The following GFI1B variants were observed in gnomAD, a reference collection of about 807,000 sequenced individuals.
The protein encoded by GFI1B is zinc finger protein Gfi-1b.
A neutral mutation model predicts 35.3 loss-of-function variants in GFI1B; 20 were observed. That is an observed-to-expected ratio of 0.57 (90% CI 0.40 to 0.82). GFI1B has a LOEUF of 0.82. Among genes scored for constraint, GFI1B ranks in the 40% least tolerant of loss-of-function variants. The pLI is 0.00. For missense variants in GFI1B, 430 were observed against 446.3 expected, an observed-to-expected ratio of 0.96 and a Z score of 0.33; for synonymous variants, 178 against 177.6, an observed-to-expected ratio of 1.00 and a Z score of -0.02.
intron 6 of GFI1B, 71 bp from the exon 7 acceptor site, chr9:132,990,801 G>T (rs796208114): frequency 5.6e-6 from 8 of 1,421,258 alleles, no homozygotes; most frequent in East Asian, 2.3e-5. Flanking sequence ...CGGGGGCAGG[G>T]CAGGGGAGCA....
chr9:132,981,915 G>C (rs1239007351), intron 1 of GFI1B, among the ~76,000 whole-genome samples: 1 of 152,156 alleles, frequency 6.6e-6, no homozygotes, highest in Admixed American at 6.5e-5. Flanking sequence ...ACCACACCCA[G>C]CTAAGTTTTG....
At chr9:132,990,626 G>C (rs1357534171) in intron 6 of GFI1B, among the ~76,000 whole-genome samples, 1 of 152,246 alleles carries the variant, frequency 6.6e-6, no homozygotes, top group African/African-American at 2.4e-5. Flanking sequence ...GAGATGTATT[G>C]ATAAACAAGA....
At chr9:132,981,839 G>A (rs1395207020) in intron 1 of GFI1B, among the ~76,000 whole-genome samples, 2 of 151,826 alleles carry the variant, frequency 1.3e-5, no homozygotes, top group Non-Finnish European at 2.9e-5. Context: ...CGCAACCTCC[G>A]CCTTCTGGGT....
At chr9:132,977,934 G>A (rs1057244277), upstream of GFI1B, among the ~76,000 whole-genome samples, 8 of 152,290 alleles carry the variant, frequency 5.3e-5, no homozygotes, top group East Asian at 1.5e-3. Context: ...CCTCCAGGGT[G>A]CCTCTACCCG....
At chr9:132,990,518 T>C (rs1242623483) in intron 6 of GFI1B, among the ~76,000 whole-genome samples, 1 of 152,264 alleles carries the variant, frequency 6.6e-6, no homozygotes, top group African/African-American at 2.4e-5. Context: ...CACTCATTCA[T>C]TTGCTTATTC....
chr9:132,981,043 C>G (rs1335022626), intron 1 of GFI1B, among the ~76,000 whole-genome samples: 1 of 152,106 alleles, frequency 6.6e-6, no homozygotes, highest in Non-Finnish European at 1.5e-5. Context: ...TTACAGGCAC[C>G]CACCACCATG....
chr9:132,988,257 C>A lies in GFI1B; in HGVS notation c.299C>A (p.Pro100Gln), dbSNP rs142654869. 2 of 1,614,054 alleles carry A rather than the reference C, an allele frequency of 1.2e-6. No homozygotes were observed. Among genetic ancestry groups the A allele is most frequent in the Non-Finnish European group, 8.5e-7 (1 of 1,179,866 alleles). ...GACTCTCCACTGTCCGACTCACCCC[C>A]ATTCTACAAGCCTAGCTTCTCCTGG... ...DGDSPLSDSP[P>Q]FYKPSFSWDT... The change falls in exon 4 of 7, where the codon CCA (proline) becomes CAA (glutamine). Residue 100 changes from proline (P) to glutamine (Q), a missense_variant. Physicochemically the swap from Pro to Gln is moderately conservative, Grantham distance 76. Transcript: ENST00000372122.
Position 132,991,025 on chromosome 9 carries a change from G to T in GFI1B, c.968G>T (p.Arg323Leu), listed in dbSNP as rs373040348. The change falls in exon 7 of 7, where the codon CGC (arginine) becomes CTC (leucine). Residue 323 changes from arginine to leucine, a missense_variant. Coordinates refer to ENST00000372122, the MANE Select transcript of GFI1B (RefSeq NM_001377304.1). The stretch of plus-strand genomic sequence containing the variant: ...CGCAAGGTGGACCTGCGGCGGCACC[G>T]CGAGAGCCAGCACAATCTCAAGTGA... The part of the protein sequence containing the change: ...FQRKVDLRRH[R>L]ESQHNLK The T allele has an allele frequency of 1.4e-5, 22 of 1,613,846 alleles. No homozygotes were observed. In the African/African-American group the frequency reaches 2.7e-4, roughly 20 times the overall value.
At chr9:132,977,762 T>G (rs1243723023), upstream of GFI1B, among the ~76,000 whole-genome samples, 1 of 151,680 alleles carries the variant, frequency 6.6e-6, no homozygotes, top group African/African-American at 2.4e-5. Context: ...CCGCCCTCAC[T>G]CCCCCCAGCA....
At position 132,981,783 on chromosome 9, in the gene GFI1B, C is replaced by T. The variant is rs925841312; in HGVS notation, c.-21+2942C>T. The stretch of plus-strand genomic sequence containing the variant: ...ATCTTTTTTTTTTTTGACAGAGTCT[C>T]GCTGTGTCACCCAGGCTGGAGTGCA... On this transcript the variant is annotated intron_variant, in intron 1 of 6. Transcript: ENST00000372122. 2.2e-4 allele frequency among the ~76,000 whole-genome samples: 34 copies of T among 151,804 alleles called. No individual in the cohort carries two copies. The East Asian group carries it at 2.9e-3, about 13-fold the overall frequency.
intron 1 of GFI1B, among the ~76,000 whole-genome samples, chr9:132,955,683 T>C (rs963915474): frequency 4.6e-5 from 7 of 152,176 alleles, no homozygotes; most frequent in African/African-American, 1.7e-4. Context: ...TTTGTTCCTT[T>C]TTTTCTGAAG....
At chr9:132,963,981 C>G (rs1322995379) in intron 1 of GFI1B, among the ~76,000 whole-genome samples, 3 of 152,142 alleles carry the variant, frequency 2.0e-5, no homozygotes, top group African/African-American at 7.2e-5. Context: ...TGGCTCACAC[C>G]TGTAATCCCA....
chr9:132,974,734 A>G (rs554404693), upstream of GFI1B, among the ~76,000 whole-genome samples: 32 of 152,280 alleles, frequency 2.1e-4, no homozygotes, highest in South Asian at 5.6e-3. Context: ...TTGAAGGTCA[A>G]GGAGGTCTTT....
intron 1 of GFI1B, among the ~76,000 whole-genome samples, chr9:132,985,203 T>TAA (rs1848998594): frequency 6.6e-6 from 1 of 151,998 alleles, no homozygotes; most frequent in Non-Finnish European, 1.5e-5. Context: ...ACAGGCTGAG[T>TAA]GCAGGGATGT....
intron 1 of GFI1B, among the ~76,000 whole-genome samples, chr9:132,948,259 G>A (rs1267003479): frequency 6.6e-6 from 1 of 152,098 alleles, no homozygotes; most frequent in Non-Finnish European, 1.5e-5. Flanking sequence ...GGAAGCTGTG[G>A]CCTCTCCCTT....
chr9:132,985,081 G>A (rs1035286378), intron 1 of GFI1B, among the ~76,000 whole-genome samples: 2 of 142,134 alleles, frequency 1.4e-5, no homozygotes, highest in Non-Finnish European at 3.1e-5. Flanking sequence ...TGGGGGGGTG[G>A]GACTCCTCTG....
At chr9:132,969,935 G>A (rs980747455) in intron 1 of GFI1B, among the ~76,000 whole-genome samples, 1 of 152,140 alleles carries the variant, frequency 6.6e-6, no homozygotes, top group Non-Finnish European at 1.5e-5. Flanking sequence ...AATCTCCGAA[G>A]GCGGCCGGTA....
Position 132,991,227 on chromosome 9 carries a change from G to A in GFI1B, c.*177G>A. On this transcript the variant is annotated 3_prime_UTR_variant, in exon 7 of 7. Transcript: ENST00000372122. The stretch of plus-strand genomic sequence containing the variant: ...CTTGGGCAAGTCACTTACCCTGTCT[G>A]GATCAACATTTCTCCTGCTGCCAAG... 1.6e-6 allele frequency: 1 copy of A among 632,230 alleles called. No homozygotes were observed. Among genetic ancestry groups the A allele is most frequent in the Non-Finnish European group, 2.8e-6 (1 of 357,386 alleles). 39.2% of individuals were successfully genotyped at this position (632,230 alleles called of 1,614,324 possible).
At chr9:132,977,753 C>T (rs757177759), upstream of GFI1B, among the ~76,000 whole-genome samples, 4 of 152,100 alleles carry the variant, frequency 2.6e-5, no homozygotes, top group South Asian at 4.1e-4. Context: ...CAAGCTTTAC[C>T]GCCCTCACTC....
Sources: allele counts gnomAD v4.1 joint callset (sites outside exome capture counted in the v4.1 genomes callset), GRCh38; gene constraint gnomAD v4.1.1; transcripts MANE v1.5; gene names NCBI Gene and HGNC (gene_info 2026-07-23, HGNC 2026-07-21).